MAGI1: variants seen among roughly 807,000 people sequenced by gnomAD.
The protein encoded by MAGI1 is membrane associated guanylate kinase, WW and PDZ domain containing 1.
Under a neutral mutation model 139.9 loss-of-function variants are expected in MAGI1, and 58 were observed. That is an observed-to-expected ratio of 0.41 (90% confidence interval 0.34 to 0.52). MAGI1 has a LOEUF of 0.52. Among genes scored for constraint, MAGI1 ranks in the 20% least tolerant of loss-of-function variants. The pLI, the probability that MAGI1 is intolerant of heterozygous loss-of-function variation, is 0.12. For synonymous variants in MAGI1, 812 were observed against 737.9 expected, an observed-to-expected ratio of 1.10 and a Z score of -1.63; for missense variants, 1,874 against 1,901.6, an observed-to-expected ratio of 0.99 and a Z score of 0.27.
chr3:65,620,576 G>A (rs2083610504), intron 2 of MAGI1, among the ~76,000 whole-genome samples: 3 of 152,162 alleles, frequency 2.0e-5, no homozygotes, highest in Admixed American at 6.5e-5. Context: ...CTACCTATGT[G>A]ATTAGCATTA....
intron 2 of MAGI1, among the ~76,000 whole-genome samples, chr3:65,541,979 T>A (rs1221966042): frequency 6.6e-6 from 1 of 152,320 alleles, no homozygotes; most frequent in East Asian, 1.9e-4. Context: ...AGAAGTCAAA[T>A]TGTCCCTGTC....
At chr3:65,860,447 G>C (rs2059517550) in intron 1 of MAGI1, among the ~76,000 whole-genome samples, 1 of 152,224 alleles carries the variant, frequency 6.6e-6, no homozygotes, top group African/African-American at 2.4e-5. Flanking sequence ...TTTACAGATA[G>C]AGACACGGAG....
intron 1 of MAGI1, among the ~76,000 whole-genome samples, chr3:65,755,851 C>T (rs2036523058): frequency 6.6e-6 from 1 of 152,132 alleles, no homozygotes; most frequent in African/African-American, 2.4e-5. Context: ...AAAACTGTTA[C>T]CCTGCAGGCA....
chr3:65,477,413 A>G (rs1950953924), intron 4 of MAGI1, among the ~76,000 whole-genome samples: 1 of 152,198 alleles, frequency 6.6e-6, no homozygotes, highest in Non-Finnish European at 1.5e-5. Flanking sequence ...CCAAAGTATA[A>G]TAATGTGAGA....
intron 1 of MAGI1, among the ~76,000 whole-genome samples, chr3:65,913,460 G>A (rs1016150464): frequency 6.6e-6 from 1 of 152,142 alleles, no homozygotes; most frequent in African/African-American, 2.4e-5. Context: ...AAATTTGGGA[G>A]AGGCAACCCC....
chr3:65,621,124 T>G (rs1427968176), intron 2 of MAGI1, among the ~76,000 whole-genome samples: 1 of 152,204 alleles, frequency 6.6e-6, no homozygotes, highest in East Asian at 1.9e-4. Context: ...AAAAATGGTA[T>G]GTCTAGGAAA....
At chr3:65,587,603 C>T (rs1286278972) in intron 2 of MAGI1, among the ~76,000 whole-genome samples, 1 of 150,688 alleles carries the variant, frequency 6.6e-6, no homozygotes, top group Non-Finnish European at 1.5e-5. Context: ...GCTTCCACCT[C>T]TCAAGTAGCT....
intron 5 of MAGI1, among the ~76,000 whole-genome samples, chr3:65,464,731 T>C (rs181458456): frequency 3.0e-4 from 46 of 152,242 alleles, no homozygotes; most frequent in Admixed American, 2.5e-3. Flanking sequence ...TTCCCCATCG[T>C]TAAAGTGCTG....
At chr3:65,683,647 G>C (rs1195995964) in intron 1 of MAGI1, among the ~76,000 whole-genome samples, 1 of 104,198 alleles carries the variant, frequency 9.6e-6, no homozygotes, top group African/African-American at 3.2e-5. Context: ...AAAGACATCT[G>C]ACTGAATAGG....
intron 1 of MAGI1, among the ~76,000 whole-genome samples, chr3:65,898,852 A>AC (rs1222314839): frequency 6.6e-6 from 1 of 152,202 alleles, no homozygotes; most frequent in Admixed American, 6.5e-5. Flanking sequence ...TATCATATGT[A>AC]CCCCATGAAT....
intron 1 of MAGI1, among the ~76,000 whole-genome samples, chr3:65,669,502 C>G (rs2086727074): frequency 6.6e-6 from 1 of 152,184 alleles, no homozygotes; most frequent in African/African-American, 2.4e-5. Context: ...AGTCGACAAG[C>G]AGAATGTCTT....
intron 1 of MAGI1, among the ~76,000 whole-genome samples, chr3:65,817,074 T>C (rs1205050018): frequency 6.6e-6 from 1 of 152,228 alleles, no homozygotes; most frequent in Non-Finnish European, 1.5e-5. Flanking sequence ...TATGTCTCAC[T>C]TTTATTTCAA....
At chr3:65,363,760 G>T in intron 20 of MAGI1, 152 bp from the exon 21 acceptor site, 1 of 646,770 alleles carries the variant, frequency 1.5e-6, no homozygotes, top group South Asian at 2.1e-5. Context: ...AATCTCAGAA[G>T]TCACAGATCC....
At chr3:65,707,410 C>T (rs1414436226) in intron 1 of MAGI1, among the ~76,000 whole-genome samples, 1 of 152,116 alleles carries the variant, frequency 6.6e-6, no homozygotes, top group Admixed American at 6.5e-5. Context: ...GGGCAACCGG[C>T]CTGAGCCACA....
chr3:65,743,892 C>T (rs183979811), intron 1 of MAGI1, among the ~76,000 whole-genome samples: 1 of 151,596 alleles, frequency 6.6e-6, no homozygotes, highest in East Asian at 1.9e-4. Flanking sequence ...AATTAATTTA[C>T]ACATAAAGAT....
At chr3:66,010,205 C>G (rs2067257066) in intron 1 of MAGI1, among the ~76,000 whole-genome samples, 1 of 151,270 alleles carries the variant, frequency 6.6e-6, no homozygotes, top group South Asian at 2.1e-4. Context: ...AGTAAGTCAT[C>G]ACAATAACAC....
At chr3:65,452,338 T>C (rs889333074) in intron 6 of MAGI1, among the ~76,000 whole-genome samples, 2 of 152,202 alleles carry the variant, frequency 1.3e-5, no homozygotes, top group African/African-American at 4.8e-5. Flanking sequence ...TTTCAAAAAA[T>C]CTTCAAGTTT....
chr3:65,564,010 T>C (rs1214393118), intron 2 of MAGI1, among the ~76,000 whole-genome samples: 1 of 152,162 alleles, frequency 6.6e-6, no homozygotes, highest in African/African-American at 2.4e-5. Context: ...TGTAATGACA[T>C]TTAGGCTTTC....
chr3:65,944,040 T>A (rs999398339), intron 1 of MAGI1, among the ~76,000 whole-genome samples: 19 of 152,232 alleles, frequency 1.2e-4, no homozygotes, highest in African/African-American at 3.4e-4. Context: ...AAAAAAACAT[T>A]CTTTCTGACT....
Sources: allele counts gnomAD v4.1 joint callset (sites outside exome capture counted in the v4.1 genomes callset), GRCh38; gene constraint gnomAD v4.1.1; transcripts MANE v1.5; gene names NCBI Gene and HGNC (gene_info 2026-07-23, HGNC 2026-07-21).